The following NOP14 variants were observed in gnomAD, a reference collection of about 807,000 sequenced individuals.
NOP14 encodes the protein NOP14 nucleolar protein, also known as nucleolar protein 14.
Under a neutral mutation model 101.6 loss-of-function variants are expected in NOP14, and 57 were observed. The ratio of observed to expected loss-of-function variants is 0.56; its 90% CI spans 0.45 to 0.70. NOP14 has a LOEUF of 0.70. Ranked by LOEUF, NOP14 falls within the 30% of genes least tolerant of loss-of-function variation. The pLI is 0.00. For synonymous variants in NOP14, 428 were observed against 424.0 expected (o/e 1.01, Z -0.12); for missense variants, 1,134 against 1,075.5 (o/e 1.05, Z -0.76).
rs748562378 is a variant in NOP14, at chr4:2,951,281, T to C, written c.871-36A>G. The C allele has an allele frequency of 6.2e-6, 10 of 1,606,190 alleles. No homozygotes were observed. In the Admixed American group the frequency reaches 1.5e-4, roughly 24 times the overall value. On this transcript the variant is annotated intron_variant, in intron 6 of 17. Transcript: ENST00000416614. ...AGGAATGAGATGTCTTAGAGCACACTCTTCCAACATATGGTGAGGGGGCCG... is the reference window on the plus strand; with the variant it reads ...AGGAATGAGATGTCTTAGAGCACACCCTTCCAACATATGGTGAGGGGGCCG...
chr4:2,944,323 A>T, intron 12 of NOP14, 97 bp from the exon 13 acceptor site: 2 of 1,077,528 alleles, frequency 1.9e-6, no homozygotes, highest in Non-Finnish European at 2.7e-6. Context: ...CACCCCACTG[A>T]GCTTCACAAG....
At position 2,948,111 on chromosome 4, in the gene NOP14, G is replaced by A. The variant is rs559869902; in HGVS notation, c.1413+167C>T. ...CCAAAGCCAAGGGAGGCCTCTGCCG[G>A]TGCCATACCAAGTACTCCCAGCCAT... is the stretch of plus-strand genomic sequence containing the variant. On this transcript the variant is annotated intron_variant, in intron 9 of 17. Transcript: ENST00000416614. Among the ~76,000 whole-genome samples the A allele has an allele frequency of 2.6e-5, 4 of 152,386 alleles. 1 individual carries two copies. Among genetic ancestry groups the A allele is most frequent in the Admixed American group, 2.6e-4 (4 of 15,306 alleles).
chr4:2,956,570 A>G (rs1002368761), intron 3 of NOP14, 100 bp downstream of exon 3: 21 of 1,175,676 alleles, frequency 1.8e-5, no homozygotes, highest in Non-Finnish European at 1.4e-5. Flanking sequence ...CTTTCATGCA[A>G]TAACTTTCTC....
chr4:2,940,806 G>A (rs1315248678), intron 15 of NOP14: 1 of 152,624 alleles, frequency 6.6e-6, no homozygotes, highest in Non-Finnish European at 1.5e-5. Flanking sequence ...TGGCTGTGGG[G>A]AGTTCTAGGT....
Position 2,938,671 on chromosome 4 carries a change from A to C in NOP14, c.*160T>G. 1 of 610,412 alleles carries C rather than the reference A, an allele frequency of 1.6e-6. No homozygotes were observed. The highest frequency in any genetic ancestry group is 2.9e-6 in the Non-Finnish European group (1 of 350,014). The allele number at this position is 610,412 out of a possible 1,614,324, so 37.8% of individuals were successfully genotyped here. A position where few individuals can be genotyped will look rare whatever the true frequency, so the allele number is the denominator to read the frequency against. The stretch of plus-strand genomic sequence containing the variant: ...CAGGTGCGTGCCACCACACTTGGCT[A>C]ATTTTTATGTTTTTTTGGTAGAGAC... On this transcript the variant is annotated 3_prime_UTR_variant, in exon 18 of 18. Transcript: ENST00000416614.
chr4:2,938,675 T>G lies in NOP14; in HGVS notation c.*156A>C. ...TGCGTGCCACCACACTTGGCTAATT[T>G]TTATGTTTTTTTGGTAGAGACGGGG... On this transcript the variant is annotated 3_prime_UTR_variant, in exon 18 of 18. Transcript: ENST00000416614. The G allele has an allele frequency of 1.6e-6, 1 of 619,616 alleles. No homozygotes were observed. Among genetic ancestry groups the G allele is most frequent in the Non-Finnish European group, 2.8e-6 (1 of 356,618 alleles). 38.4% of individuals were successfully genotyped at this position (619,616 alleles called of 1,614,324 possible).
Position 2,938,278 on chromosome 4 carries a change from T to TG in NOP14, c.*552dup. On this transcript the variant is annotated 3_prime_UTR_variant, in exon 18 of 18. Coordinates refer to ENST00000416614, the MANE Select transcript of NOP14 (RefSeq NM_001291978.2). ...GGGTGCTGTGGCTCACACCTATAAT[T>TG]GGGGGGCCAAGGCAGGTGGATTACC... 8.0e-7 allele frequency: 1 copy of TG among 1,242,400 alleles called. No homozygotes were observed. The highest frequency in any genetic ancestry group is 1.2e-5 in the South Asian group (1 of 80,020). The allele number at this position is 1,242,400 out of a possible 1,614,324, so 77.0% of individuals were successfully genotyped here.
intron 10 of NOP14, 136 bp downstream of exon 10, chr4:2,947,390 C>T: frequency 1.5e-6 from 1 of 674,128 alleles, no homozygotes; most frequent in African/African-American, 1.8e-5. Context: ...CCTGGGTGAC[C>T]ACCTGCCCAC....
chr4:2,952,424 T>G lies in NOP14; in HGVS notation c.748-27A>C. The G allele has an allele frequency of 1.9e-6, 3 of 1,545,958 alleles. No individual in the cohort carries two copies. The South Asian group carries it at 3.8e-5, about 20-fold the overall frequency. ...TAAGGTAGAAAGAAGAAATTCTTCA[T>G]TTTAAAAATATATTTATTTCTTATT... On this transcript the variant is annotated intron_variant, in intron 5 of 17. Transcript: ENST00000416614.
At chr4:2,946,375 T>C (rs1419512891) in intron 11 of NOP14, 37 bp downstream of exon 11, 24 of 1,611,220 alleles carry the variant, frequency 1.5e-5, no homozygotes, top group Non-Finnish European at 2.0e-5. Context: ...ACAGAACTTC[T>C]GTGGCAGGGG....
At chr4:2,954,098 A>C (rs1451841399) in intron 4 of NOP14, among the ~76,000 whole-genome samples, 1 of 152,116 alleles carries the variant, frequency 6.6e-6, no homozygotes, top group Non-Finnish European at 1.5e-5. Flanking sequence ...TGGGGAGCTG[A>C]GGTGGGAGGA....
chr4:2,946,451 A>T lies in NOP14; in HGVS notation c.1596T>A (p.Ile532=). 1 of 1,614,266 alleles carries T rather than the reference A, an allele frequency of 6.2e-7. No individual in the cohort carries two copies. Among genetic ancestry groups the T allele is most frequent in the East Asian group, 2.2e-5 (1 of 44,894 alleles). Residue 532 remains isoleucine (I), a synonymous_variant, in exon 11 of 18, where the codon ATT becomes ATA. Transcript: ENST00000416614. ...RDAMHEMEEM[I]ETKGRAALPG... is the part of the protein sequence containing the mutation. ...GCAATGCCGCCCGGCCTTTGGTCTCAATCATTTCTTCCATCTCATGCATCG... is the reference window on the plus strand; with the variant it reads ...GCAATGCCGCCCGGCCTTTGGTCTCTATCATTTCTTCCATCTCATGCATCG...
Position 2,946,546 on chromosome 4 carries a change from G to T in NOP14, c.1501C>A (p.His501Asn). 1.2e-6 allele frequency: 2 copies of T among 1,613,994 alleles called. No individual in the cohort carries two copies. Among genetic ancestry groups the T allele is most frequent in the South Asian group, 2.2e-5 (2 of 91,082 alleles). ...AACATCTGGCAAAGATGATATAAGT[G>T]CCTGTTAAGCAGAAATGTAAAGTCA... Reference protein sequence around the residue: ...DLTVIDKLVVHLYHLCQMFPE... With the variant: ...DLTVIDKLVVNLYHLCQMFPE... The change falls in exon 11 of 18, where the codon CAC becomes AAC. Residue 501 changes from histidine to asparagine, a missense_variant and splice_region_variant. By Grantham distance (68) the His-to-Asn change is moderately conservative. Transcript: ENST00000416614.
chr4:2,948,454 T>C lies in NOP14; in HGVS notation c.1283-46A>G, dbSNP rs199756705. ...ACTGCACATTTAACATTTATATATA[T>C]GTATATATATTTATTTTTGAGATGG... On this transcript the variant is annotated intron_variant, in intron 8 of 17. Transcript: ENST00000416614. 5 of 1,399,850 alleles carry C rather than the reference T, an allele frequency of 3.6e-6. No individual in the cohort carries two copies. In the East Asian group the frequency reaches 8.2e-5, roughly 23 times the overall value. The allele number at this position is 1,399,850 out of a possible 1,614,324, so 86.7% of individuals were successfully genotyped here. A position where few individuals can be genotyped will look rare whatever the true frequency, so the allele number is the denominator to read the frequency against.
intron 13 of NOP14, among the ~76,000 whole-genome samples, chr4:2,943,467 A>G (rs1714376836): frequency 6.6e-6 from 1 of 152,220 alleles, no homozygotes; most frequent in African/African-American, 2.4e-5. Flanking sequence ...GGAAGCATCC[A>G]GGAGCAGGGC....
intron 10 of NOP14, chr4:2,947,100 C>T (rs1366547380): frequency 2.2e-5 from 5 of 227,400 alleles, no homozygotes; most frequent in East Asian, 1.3e-4. Context: ...CTCGCCCTGG[C>T]GGTCCCCATG....
intron 12 of NOP14, among the ~76,000 whole-genome samples, chr4:2,944,859 T>C (rs1056954078): frequency 6.6e-6 from 1 of 152,260 alleles, no homozygotes; most frequent in Admixed American, 6.5e-5. Flanking sequence ...TCACACTGGA[T>C]AACTTCACCA....
intron 13 of NOP14, 49 bp downstream of exon 13, chr4:2,944,024 A>G (rs760827349): frequency 6.6e-6 from 10 of 1,508,178 alleles, no homozygotes; most frequent in Non-Finnish European, 9.0e-6. Context: ...TACTTAAAAA[A>G]ATTCTAAAGT....
rs1410627115 is a variant in NOP14, at chr4:2,951,141, T to G, written c.975A>C (p.Lys325Asn). The change falls in exon 7 of 18, where the codon AAA (lysine) becomes AAC (asparagine). Residue 325 changes from lysine to asparagine, a missense_variant. By Grantham distance (94) the Lys-to-Asn change is moderately conservative. Transcript: ENST00000416614. ...TGTAGGAAAGCAAACGCCTGTCATC[T>G]TTATCTAGCACGAAGCCATCATTCA... The part of the protein sequence containing the change: ...DDLNDGFVLD[K>N]DDRRLLSYKD... The G allele has an allele frequency of 3.1e-6, 5 of 1,613,664 alleles. No individual in the cohort carries two copies. The highest frequency in any genetic ancestry group is 4.2e-6 in the Non-Finnish European group (5 of 1,179,624).
Sources: allele counts gnomAD v4.1 joint callset (sites outside exome capture counted in the v4.1 genomes callset), GRCh38; gene constraint gnomAD v4.1.1; transcripts MANE v1.5; gene names NCBI Gene and HGNC (gene_info 2026-07-23, HGNC 2026-07-21).